The following DZIP1 variants were observed in gnomAD, a reference collection of about 807,000 sequenced individuals.
DZIP1 encodes DAZ interacting zinc finger protein 1.
DZIP1 carries 97 observed loss-of-function variants against 107.6 expected under a neutral mutation model. That is an observed-to-expected ratio of 0.90 (90% CI 0.77 to 1.07). The LOEUF (loss-of-function observed/expected upper bound fraction) is 1.07, where lower values mean the gene tolerates loss of function less well. Among genes scored for constraint, DZIP1 ranks in the 50% least tolerant of loss-of-function variants. The probability of loss-of-function intolerance (pLI) is 0.00; values close to 1 mark genes in which losing one functional copy is unlikely to be tolerated. For missense variants in DZIP1, 1,035 were observed against 1,063.6 expected, an observed-to-expected ratio of 0.97 and a Z score of 0.37; for synonymous variants, 390 against 386.4, an observed-to-expected ratio of 1.01 and a Z score of -0.11.
intron 5 of DZIP1, among the ~76,000 whole-genome samples, chr13:95,640,039 C>G (rs1286315288): frequency 6.6e-6 from 1 of 150,544 alleles, no homozygotes; most frequent in Admixed American, 6.6e-5. Context: ...TGTTGCCAGG[C>G]TGGAGTGCAG....
intron 5 of DZIP1, among the ~76,000 whole-genome samples, chr13:95,640,341 A>T (rs9561919): frequency 0.093 from 14,119 of 152,164 alleles, 681 homozygotes; most frequent in East Asian, 0.17. Flanking sequence ...CTGCTGGGTC[A>T]GTCCTGAGCA....
Position 95,641,547 on chromosome 13 carries a change from C to G in DZIP1, c.345G>C (p.Pro115=). The G allele has an allele frequency of 6.2e-7, 1 of 1,613,920 alleles. No homozygotes were observed. Among genetic ancestry groups the G allele is most frequent in the Non-Finnish European group, 8.5e-7 (1 of 1,180,042 alleles). Reference sequence around the variant, plus strand: ...CCAGACGGATGAGCTTCAGCAGCACCGGGTCCACCCCCGACTGGCAGTGTG... The same window carrying G: ...CCAGACGGATGAGCTTCAGCAGCACGGGGTCCACCCCCGACTGGCAGTGTG... ...KCPHCQSGVD[P]VLLKLIRLAQ... Residue 115 remains proline, a synonymous_variant, in exon 5 of 23, where the codon CCG becomes CCC. Coordinates refer to ENST00000376829, the MANE Select transcript of DZIP1 (RefSeq NM_198968.4). The surrounding 1 kb of genome is among the most constrained non-coding windows in gnomAD (Gnocchi z 4.3).
chr13:95,585,074 A>G (rs1415472867), intron 21 of DZIP1, among the ~76,000 whole-genome samples, 164 bp from the exon 22 acceptor site: 1 of 152,196 alleles, frequency 6.6e-6, no homozygotes, highest in African/African-American at 2.4e-5. Flanking sequence ...AATGAAATAG[A>G]TTTGGAAGTT....
chr13:95,639,914 C>T (rs1467310726), intron 5 of DZIP1, among the ~76,000 whole-genome samples: 2 of 151,990 alleles, frequency 1.3e-5, no homozygotes, highest in Non-Finnish European at 2.9e-5. Flanking sequence ...GAAGATTATA[C>T]CTCAGGGTTG....
chr13:95,605,094 C>T (rs903932649), intron 14 of DZIP1, among the ~76,000 whole-genome samples: 2 of 152,182 alleles, frequency 1.3e-5, no homozygotes, highest in African/African-American at 2.4e-5. Context: ...GTGCAATAAA[C>T]ACTTCAAGAG....
chr13:95,612,580 T>C (rs779529531), intron 10 of DZIP1, among the ~76,000 whole-genome samples: 7 of 152,016 alleles, frequency 4.6e-5, no homozygotes, highest in Non-Finnish European at 8.8e-5. Flanking sequence ...CACATCTTAA[T>C]GTTTTTGTTG....
chr13:95,587,896 A>C (rs1594643854), intron 19 of DZIP1, 167 bp from the exon 20 acceptor site: 1 of 757,260 alleles, frequency 1.3e-6, no homozygotes, highest in Non-Finnish European at 2.0e-6. Flanking sequence ...CAGAGGTTAT[A>C]CCCACGGCTG....
At chr13:95,608,297 G>T (rs2044847542) in intron 13 of DZIP1, among the ~76,000 whole-genome samples, 1 of 151,850 alleles carries the variant, frequency 6.6e-6, no homozygotes, top group Admixed American at 6.6e-5. Flanking sequence ...TAATACAAAT[G>T]TGTACATTTT....
At chr13:95,621,665 A>AGT (rs3051402) in intron 9 of DZIP1, among the ~76,000 whole-genome samples, 17,133 of 123,156 alleles carry the variant, frequency 0.14, 1,421 homozygotes, top group Non-Finnish European at 0.17. Flanking sequence ...ACCAGTTAGC[A>AGT]GTGTGTGTGT....
intron 10 of DZIP1, among the ~76,000 whole-genome samples, chr13:95,616,285 G>C (rs189428151): frequency 1.4e-4 from 21 of 152,314 alleles, no homozygotes; most frequent in African/African-American, 4.3e-4. Context: ...CCTCCCTACA[G>C]CAGATGGTGC....
At chr13:95,631,822 G>A (rs963314101) in intron 6 of DZIP1, among the ~76,000 whole-genome samples, 1 of 152,054 alleles carries the variant, frequency 6.6e-6, no homozygotes, top group African/African-American at 2.4e-5. Flanking sequence ...GGATACAGTA[G>A]GACCACTCCC....
At chr13:95,591,162 G>A (rs1486018298) in intron 16 of DZIP1, among the ~76,000 whole-genome samples, 1 of 151,620 alleles carries the variant, frequency 6.6e-6, no homozygotes, top group Admixed American at 6.6e-5. Context: ...CCGAGTAGCT[G>A]GGATTACAGG....
intron 9 of DZIP1, among the ~76,000 whole-genome samples, chr13:95,620,400 C>A (rs893048028): frequency 6.6e-6 from 1 of 152,192 alleles, no homozygotes; most frequent in African/African-American, 2.4e-5. Context: ...TTAGGTAATT[C>A]TTTACAGTAG....
At chr13:95,591,633 C>G (rs556163956) in intron 16 of DZIP1, among the ~76,000 whole-genome samples, 2 of 152,302 alleles carry the variant, frequency 1.3e-5, no homozygotes, top group East Asian at 1.9e-4. Flanking sequence ...CAACCCCCTC[C>G]TCTACTTTTC....
chr13:95,611,981 C>A, intron 11 of DZIP1, 56 bp downstream of exon 11: 1 of 1,586,336 alleles, frequency 6.3e-7, no homozygotes, highest in Non-Finnish European at 8.5e-7. Context: ...AACACATGTT[C>A]TTAGATAGAC....
At chr13:95,625,449 A>G (rs1415036340) in intron 7 of DZIP1, among the ~76,000 whole-genome samples, 2 of 152,160 alleles carry the variant, frequency 1.3e-5, no homozygotes, top group African/African-American at 4.8e-5. Flanking sequence ...GCCCTAACAC[A>G]CATATACAGA....
intron 10 of DZIP1, among the ~76,000 whole-genome samples, chr13:95,615,815 T>C (rs576558123): frequency 6.6e-6 from 1 of 152,302 alleles, no homozygotes; most frequent in South Asian, 2.1e-4. Context: ...ACAGCATCTG[T>C]CTAAGCCCCT....
At position 95,641,754 on chromosome 13, in the gene DZIP1, C is replaced by A. The variant is rs1362653490; in HGVS notation, c.138G>T (p.Ala46=). 25 of 1,586,020 alleles carry A rather than the reference C, an allele frequency of 1.6e-5. No individual in the cohort carries two copies. Among genetic ancestry groups the A allele is most frequent in the Middle Eastern group, 1.7e-4 (1 of 5,940 alleles). ...AAAGAASMAC[A]PPSAASGPLP... is the part of the protein sequence containing the mutation. ...GGGGCCCCGAAGCCGCGCTGGGGGG[C>A]GCACAGGCCATGGAGGCCGCACCCG... is the stretch of plus-strand genomic sequence containing the variant. Residue 46 remains alanine (A), a synonymous_variant, in exon 5 of 23, where the codon GCG becomes GCT. Coordinates refer to ENST00000376829, the MANE Select transcript of DZIP1 (RefSeq NM_198968.4). The surrounding 1 kb of genome is among the most constrained non-coding windows in gnomAD (Gnocchi z 4.3).
At chr13:95,633,046 T>C (rs758774785) in intron 6 of DZIP1, among the ~76,000 whole-genome samples, 188 bp downstream of exon 6, 1 of 152,230 alleles carries the variant, frequency 6.6e-6, no homozygotes, top group Non-Finnish European at 1.5e-5. Context: ...TCCGTTCAGC[T>C]TGTGGCTGTA....
Sources: allele counts gnomAD v4.1 joint callset (sites outside exome capture counted in the v4.1 genomes callset), GRCh38; gene constraint gnomAD v4.1.1; non-coding constraint Gnocchi (gnomAD v3.1); transcripts MANE v1.5; gene names NCBI Gene and HGNC (gene_info 2026-07-23, HGNC 2026-07-21).